The following RIMBP2 variants were observed in gnomAD, a reference collection of about 807,000 sequenced individuals.
RIMBP2 encodes RIMS binding protein 2, also known as RIMS-binding protein 2.
RIMBP2 carries 48 observed loss-of-function variants against 118.6 expected under a neutral mutation model. The observed-to-expected ratio is 0.40, with a 90% CI of 0.32 to 0.51. The LOEUF is 0.51. Among genes scored for constraint, RIMBP2 ranks in the 20% least tolerant of loss-of-function variants. The probability of loss-of-function intolerance (pLI) is 0.41; values close to 1 mark genes in which losing one functional copy is unlikely to be tolerated. For missense variants in RIMBP2, 1,551 were observed against 1,768.3 expected (o/e 0.88, Z 2.20); for synonymous variants, 762 against 742.9 (o/e 1.03, Z -0.42).
At chr12:130,606,434 A>C (rs1047874466) in intron 2 of RIMBP2, among the ~76,000 whole-genome samples, 1 of 152,238 alleles carries the variant, frequency 6.6e-6, no homozygotes, top group Non-Finnish European at 1.5e-5. Flanking sequence ...GCGCGTCTAC[A>C]CAGCTCCTCA....
intron 2 of RIMBP2, among the ~76,000 whole-genome samples, chr12:130,599,111 T>A (rs1204313248): frequency 6.6e-6 from 1 of 152,198 alleles, no homozygotes; most frequent in Non-Finnish European, 1.5e-5. Flanking sequence ...ATAAGTAAAC[T>A]TCAACATCCT....
chr12:130,612,230 C>T (rs956324086), intron 2 of RIMBP2, among the ~76,000 whole-genome samples: 4 of 152,144 alleles, frequency 2.6e-5, no homozygotes, highest in African/African-American at 4.8e-5. Flanking sequence ...GCCACCTGTT[C>T]GCTCCTCAGC....
At chr12:130,512,184 G>T (rs931906368) in intron 3 of RIMBP2, among the ~76,000 whole-genome samples, 1 of 152,156 alleles carries the variant, frequency 6.6e-6, no homozygotes, top group African/African-American at 2.4e-5. Flanking sequence ...TCTCTGCCTG[G>T]TTGGGCTTTG....
intron 7 of RIMBP2, among the ~76,000 whole-genome samples, chr12:130,453,440 T>C (rs2079160622): frequency 6.6e-6 from 1 of 152,226 alleles, no homozygotes; most frequent in South Asian, 2.1e-4. Flanking sequence ...TGTGGGAAGA[T>C]CTGCGGCAGA....
rs930139451 is a variant in RIMBP2 at position 130,511,778 on chromosome 12, C to A, written c.-126-5008G>T. On this transcript the variant is annotated intron_variant, in intron 3 of 22. Transcript: ENST00000690449. This position sits in a 1 kb window ranked among gnomAD's most constrained non-coding sequence, Gnocchi z 4.3. Reference sequence around the variant, plus strand: ...AAGCTTCAGCCCCTCTTCCTCCCACCACAGTGGGGATGCGACCCTTCGAGA... The same window carrying A: ...AAGCTTCAGCCCCTCTTCCTCCCACAACAGTGGGGATGCGACCCTTCGAGA... 6.6e-6 allele frequency among the ~76,000 whole-genome samples: 1 copy of A among 152,100 alleles called. No homozygotes were observed. Among genetic ancestry groups the A allele is most frequent in the Non-Finnish European group, 1.5e-5 (1 of 68,034 alleles).
chr12:130,458,364 G>A (rs552435955), intron 6 of RIMBP2, among the ~76,000 whole-genome samples: 1 of 152,266 alleles, frequency 6.6e-6, no homozygotes, highest in African/African-American at 2.4e-5. Flanking sequence ...GACATGGAAA[G>A]CATCGGAGGG....
At chr12:130,499,598 G>A (rs2049537288) in intron 4 of RIMBP2, among the ~76,000 whole-genome samples, 1 of 151,998 alleles carries the variant, frequency 6.6e-6, no homozygotes, top group African/African-American at 2.4e-5. Flanking sequence ...TGCACCTCGG[G>A]CTTCCACACA....
chr12:130,699,342 C>T (rs569612254), intron 1 of RIMBP2, among the ~76,000 whole-genome samples: 2 of 151,920 alleles, frequency 1.3e-5, no homozygotes, highest in East Asian at 1.9e-4. Context: ...TGTCCAACAA[C>T]AATAGACTGG....
intron 1 of RIMBP2, among the ~76,000 whole-genome samples, chr12:130,678,447 G>A (rs951261593): frequency 3.3e-5 from 5 of 152,232 alleles, no homozygotes; most frequent in East Asian, 1.9e-4. Flanking sequence ...AGGGTACAGC[G>A]TGGGTGCACC....
At chr12:130,486,607 G>A (rs567519813) in intron 4 of RIMBP2, among the ~76,000 whole-genome samples, 3 of 151,560 alleles carry the variant, frequency 2.0e-5, no homozygotes, top group Admixed American at 6.6e-5. Context: ...GTGCCATCTC[G>A]GCCAAGGACA....
intron 1 of RIMBP2, among the ~76,000 whole-genome samples, chr12:130,699,615 T>A (rs1007760493): frequency 6.6e-6 from 1 of 150,414 alleles, no homozygotes; most frequent in Non-Finnish European, 1.5e-5. Flanking sequence ...CGTTAGGAGA[T>A]ATACCTAATG....
intron 6 of RIMBP2, among the ~76,000 whole-genome samples, chr12:130,460,748 T>C (rs955623001): frequency 6.6e-6 from 1 of 152,126 alleles, no homozygotes; most frequent in Non-Finnish European, 1.5e-5. Context: ...CCACTGTCCT[T>C]GCTTCCCCCG....
chr12:130,686,806 G>A lies in RIMBP2; in HGVS notation c.-352+29416C>T, dbSNP rs111743658. Among the ~76,000 whole-genome samples, 643 of 152,350 alleles carry A rather than the reference G, an allele frequency of 4.2e-3. 6 individuals are homozygous for A. Among genetic ancestry groups the A allele is most frequent in the African/African-American group, 0.015 (614 of 41,586 alleles). Reference sequence around the variant, plus strand: ...GGCTGCAGGGCCGGAGGAGGAAGGGGTGTGGACTGGAAAAGGTGTCGAGGC... The same window carrying A: ...GGCTGCAGGGCCGGAGGAGGAAGGGATGTGGACTGGAAAAGGTGTCGAGGC... On this transcript the variant is annotated intron_variant, in intron 1 of 22. Coordinates refer to ENST00000690449, the MANE Select transcript of RIMBP2 (RefSeq NM_001393629.1).
chr12:130,482,329 G>T (rs1369283026), intron 4 of RIMBP2, among the ~76,000 whole-genome samples: 1 of 152,172 alleles, frequency 6.6e-6, no homozygotes, highest in Non-Finnish European at 1.5e-5. Flanking sequence ...GCACCTACTA[G>T]GTGCCAAGAA....
At chr12:130,664,431 G>GCACACACACGCA (rs1458045654) in intron 1 of RIMBP2, among the ~76,000 whole-genome samples, 1 of 39,848 alleles carries the variant, frequency 2.5e-5, no homozygotes, top group Admixed American at 2.3e-4. Flanking sequence ...GCACACACAT[G>GCACACACACGCA]CATGCACGCA....
At chr12:130,685,105 T>C (rs1003878057) in intron 1 of RIMBP2, among the ~76,000 whole-genome samples, 1 of 152,196 alleles carries the variant, frequency 6.6e-6, no homozygotes, top group South Asian at 2.1e-4. Flanking sequence ...GCAACCTTCC[T>C]AAATGGCAGC....
chr12:130,633,744 T>A (rs1305739213), intron 1 of RIMBP2: 1 of 152,174 alleles, frequency 6.6e-6, no homozygotes, highest in Non-Finnish European at 1.5e-5. Context: ...CCCGTCTGTG[T>A]CTAAGCTGTA....
At chr12:130,676,490 GTATGT>G (rs1265827259) in intron 1 of RIMBP2, among the ~76,000 whole-genome samples, 19 of 151,974 alleles carry the variant, frequency 1.3e-4, no homozygotes, top group African/African-American at 4.1e-4. Context: ...GGGTGTGGTG[GTATGT>G]GCCTGTAGTC....
chr12:130,451,081 A>C, intron 8 of RIMBP2, 114 bp downstream of exon 8: 1 of 1,257,304 alleles, frequency 8.0e-7, no homozygotes, highest in Non-Finnish European at 1.1e-6. Flanking sequence ...AGAACCAACC[A>C]GAAGGAAGAC....
Sources: allele counts gnomAD v4.1 joint callset (sites outside exome capture counted in the v4.1 genomes callset), GRCh38; gene constraint gnomAD v4.1.1; non-coding constraint Gnocchi (gnomAD v3.1); transcripts MANE v1.5; gene names NCBI Gene and HGNC (gene_info 2026-07-23, HGNC 2026-07-21).